NLGN1: variants seen among roughly 807,000 people sequenced by gnomAD.
The protein encoded by NLGN1 is neuroligin 1.
Under a neutral mutation model 65.5 loss-of-function variants are expected in NLGN1, and 12 were observed. The observed-to-expected ratio is 0.18, with a 90% CI of 0.12 to 0.30. The LOEUF (loss-of-function observed/expected upper bound fraction) is 0.30. Ranked by LOEUF, NLGN1 falls within the 10% of genes least tolerant of loss-of-function variation. NLGN1 has a pLI of 1.00. For missense variants in NLGN1, 750 were observed against 1,007.1 expected (o/e 0.74, Z 3.46); for synonymous variants, 350 against 359.5 (o/e 0.97, Z 0.30).
At chr3:174,027,051 C>G (rs1477502596) in intron 4 of NLGN1, among the ~76,000 whole-genome samples, 1 of 144,328 alleles carries the variant, frequency 6.9e-6, no homozygotes, top group Admixed American at 7.0e-5. Context: ...TAAGTTTGGT[C>G]TAGTTCAATT....
chr3:174,086,526 A>C (rs1743431653), intron 4 of NLGN1, among the ~76,000 whole-genome samples: 1 of 151,526 alleles, frequency 6.6e-6, no homozygotes, highest in Non-Finnish European at 1.5e-5. Context: ...AGGATATAAC[A>C]TAACGTTAAG....
chr3:173,750,232 A>T (rs1156415600), intron 3 of NLGN1, among the ~76,000 whole-genome samples: 2 of 151,942 alleles, frequency 1.3e-5, no homozygotes, highest in Non-Finnish European at 2.9e-5. Context: ...ATTATTTTGG[A>T]CTTTCTACTG....
At chr3:173,742,574 T>C (rs761341985) in intron 3 of NLGN1, among the ~76,000 whole-genome samples, 6 of 152,162 alleles carry the variant, frequency 3.9e-5, no homozygotes, top group Non-Finnish European at 8.8e-5. Context: ...TTCTTTCTTA[T>C]GCCTAGATAT....
chr3:173,483,276 A>G (rs752921126), intron 2 of NLGN1, among the ~76,000 whole-genome samples: 8 of 152,094 alleles, frequency 5.3e-5, no homozygotes, highest in Non-Finnish European at 8.8e-5. Flanking sequence ...TAACACACTT[A>G]TAATAGTTAC....
At chr3:173,863,134 TA>T (rs57735470) in intron 4 of NLGN1, among the ~76,000 whole-genome samples, 2,069 of 142,528 alleles carry the variant, frequency 0.015, 55 homozygotes, top group African/African-American at 0.039. Context: ...CGATGGCTGA[TA>T]AAAAAAAAAA....
intron 4 of NLGN1, among the ~76,000 whole-genome samples, chr3:173,945,080 C>T (rs910467901): frequency 6.6e-6 from 1 of 151,932 alleles, no homozygotes; most frequent in Non-Finnish European, 1.5e-5. Context: ...CCAATCTGGG[C>T]TTCATTTGAC....
chr3:173,693,881 T>G (rs1226846262), intron 3 of NLGN1, among the ~76,000 whole-genome samples: 2 of 152,076 alleles, frequency 1.3e-5, no homozygotes, highest in Non-Finnish European at 2.9e-5. Context: ...AATATTAAGG[T>G]GTTTATAAAC....
chr3:174,265,757 A>G (rs1747983348), intron 4 of NLGN1, among the ~76,000 whole-genome samples: 2 of 136,646 alleles, frequency 1.5e-5, no homozygotes, highest in Non-Finnish European at 3.1e-5. Flanking sequence ...CCTAAAACTA[A>G]GAAGGCTATA....
chr3:174,036,525 A>G (rs1356519920), intron 4 of NLGN1, among the ~76,000 whole-genome samples: 1 of 152,042 alleles, frequency 6.6e-6, no homozygotes, highest in East Asian at 1.9e-4. Context: ...ATAGTAGGGA[A>G]CAACCCAAAC....
intron 3 of NLGN1, among the ~76,000 whole-genome samples, chr3:173,803,121 G>A (rs921938811): frequency 3.9e-5 from 6 of 152,094 alleles, no homozygotes; most frequent in African/African-American, 1.2e-4. Flanking sequence ...GGTTACAGGC[G>A]TGAGCCACCA....
At chr3:173,942,015 C>G (rs1746184365) in intron 4 of NLGN1, among the ~76,000 whole-genome samples, 4 of 151,280 alleles carry the variant, frequency 2.6e-5, no homozygotes. Flanking sequence ...GAGAGATGTC[C>G]ACTATTGATG....
At chr3:173,740,493 A>G (rs1774477117) in intron 3 of NLGN1, among the ~76,000 whole-genome samples, 1 of 152,114 alleles carries the variant, frequency 6.6e-6, no homozygotes, top group Non-Finnish European at 1.5e-5. Flanking sequence ...ACCTGCCAAT[A>G]TAAAACCCAT....
rs142474414 is a variant in NLGN1, at chr3:173,782,662, G to A, written c.494-25018G>A. On this transcript the variant is annotated intron_variant, in intron 3 of 6. Coordinates refer to ENST00000457714, the Ensembl canonical transcript of NLGN1. ...CAGGAAAGGGAACATGTGTGGCCAG[G>A]CAAATTTTATTGTGTACTCAAAGCT... is the stretch of plus-strand genomic sequence containing the variant. Among the ~76,000 whole-genome samples, 554 of 150,594 alleles carry A rather than the reference G, an allele frequency of 3.7e-3. 4 individuals are homozygous for A. Among genetic ancestry groups the A allele is most frequent in the African/African-American group, 0.013 (532 of 40,966 alleles).
chr3:174,227,088 A>G (rs6769495), intron 4 of NLGN1, among the ~76,000 whole-genome samples: 48,953 of 152,020 alleles, frequency 0.32, 8,344 homozygotes, highest in East Asian at 0.5. Flanking sequence ...ATGAGGACCA[A>G]TTGCATAAGC....
intron 4 of NLGN1, among the ~76,000 whole-genome samples, chr3:174,239,011 C>A (rs1742287879): frequency 3.9e-5 from 6 of 152,052 alleles, no homozygotes; most frequent in Admixed American, 3.9e-4. Context: ...CCATTTCTTA[C>A]CTACAGCTAA....
At chr3:173,872,556 T>G (rs1425219878) in intron 4 of NLGN1, among the ~76,000 whole-genome samples, 2 of 152,150 alleles carry the variant, frequency 1.3e-5, no homozygotes, top group African/African-American at 2.4e-5. Context: ...TGAGTTTGTG[T>G]GTCTTTGTGC....
At chr3:173,716,585 C>T (rs1441705447) in intron 3 of NLGN1, among the ~76,000 whole-genome samples, 1 of 152,094 alleles carries the variant, frequency 6.6e-6, no homozygotes, top group East Asian at 1.9e-4. Context: ...AGTTGATGCA[C>T]TGCCTGATAC....
At chr3:174,155,675 A>T (rs1343156581) in intron 4 of NLGN1, among the ~76,000 whole-genome samples, 1 of 151,914 alleles carries the variant, frequency 6.6e-6, no homozygotes, top group Non-Finnish European at 1.5e-5. Context: ...TATATTGCAG[A>T]AGTAGCATAT....
chr3:173,938,038 A>C (rs1745358187), intron 4 of NLGN1, among the ~76,000 whole-genome samples: 1 of 152,194 alleles, frequency 6.6e-6, no homozygotes. Context: ...TATGTTATCA[A>C]ATACTTATGG....
Sources: allele counts gnomAD v4.1 joint callset (sites outside exome capture counted in the v4.1 genomes callset), GRCh38; gene constraint gnomAD v4.1.1; transcripts MANE v1.5; gene names NCBI Gene and HGNC (gene_info 2026-07-23, HGNC 2026-07-21).